The following RNF144B variants were observed in gnomAD, a reference collection of about 807,000 sequenced individuals.
The protein encoded by RNF144B is E3 ubiquitin-protein ligase RNF144B.
A neutral mutation model predicts 40.2 loss-of-function variants in RNF144B; 25 were observed. The observed-to-expected ratio is 0.62, with a 90% CI of 0.45 to 0.87. The LOEUF is 0.87. RNF144B is among the 40% of genes least tolerant of loss of function. The probability of loss-of-function intolerance (pLI) is 0.00; values close to 1 mark genes in which losing one functional copy is unlikely to be tolerated. For missense variants in RNF144B, 365 were observed against 373.7 expected, an observed-to-expected ratio of 0.98 and a Z score of 0.19; for synonymous variants, 145 against 136.3, an observed-to-expected ratio of 1.06 and a Z score of -0.44.
At chr6:18,411,543 G>C (rs370936353) in intron 2 of RNF144B, among the ~76,000 whole-genome samples, 28 of 113,792 alleles carry the variant, frequency 2.5e-4, no homozygotes, top group African/African-American at 9.5e-4. Context: ...GTGCCCTGTC[G>C]CTCAGGGTGG....
chr6:18,446,935 A>G lies in RNF144B; in HGVS notation c.331+7191A>G, dbSNP rs1462039604. Among the ~76,000 whole-genome samples the G allele has an allele frequency of 6.6e-6, 1 of 151,864 alleles. No individual in the cohort carries two copies. The highest frequency in any genetic ancestry group is 1.9e-4 in the East Asian group (1 of 5,170). ...TATGTCAGGACATCTCCATGACGGT[A>G]AATTATCCAATCCAAATGTCAATAG... is the stretch of plus-strand genomic sequence containing the variant. On this transcript the variant is annotated intron_variant, in intron 4 of 7. Transcript: ENST00000259939. The surrounding 1 kb of genome is among the most constrained non-coding windows in gnomAD (Gnocchi z 4.7).
intron 1 of RNF144B, among the ~76,000 whole-genome samples, chr6:18,388,147 G>C (rs2113446591): frequency 6.6e-6 from 1 of 152,282 alleles, no homozygotes; most frequent in Admixed American, 6.5e-5. Flanking sequence ...CCTGCTGTAA[G>C]TCTACTCCTC....
At position 18,443,237 on chromosome 6, in the gene RNF144B, A is replaced by G. The variant is rs1207390146; in HGVS notation, c.331+3493A>G. ...GAAAAACGTAACAGGCCCAGAGGCA[A>G]TTTCCTCTTAAGTGATTTTGTTTTT... On this transcript the variant is annotated intron_variant, in intron 4 of 7. Coordinates refer to ENST00000259939, the MANE Select transcript of RNF144B (RefSeq NM_182757.4). The surrounding 1 kb of genome is among the most constrained non-coding windows in gnomAD (Gnocchi z 4.7). Among the ~76,000 whole-genome samples, 2 of 152,074 alleles carry G rather than the reference A, an allele frequency of 1.3e-5. No individual in the cohort carries two copies. The highest frequency in any genetic ancestry group is 4.8e-5 in the African/African-American group (2 of 41,404).
intron 2 of RNF144B, among the ~76,000 whole-genome samples, chr6:18,424,345 A>G (rs1758501788): frequency 1.3e-5 from 2 of 152,244 alleles, no homozygotes; most frequent in Admixed American, 1.3e-4. Flanking sequence ...GCCTTTGAAT[A>G]GAAATGCATG....
In RNF144B at chr6:18,464,632, GGC is replaced by G. The variant is rs975713524; in HGVS notation, c.772-294_772-293del. On this transcript the variant is annotated intron_variant, in intron 7 of 7. Coordinates refer to ENST00000259939, the MANE Select transcript of RNF144B (RefSeq NM_182757.4). The surrounding 1 kb of genome is among the most constrained non-coding windows in gnomAD (Gnocchi z 6.1). ...AGGGCTCTCTTCCTGGTTTGAAGAT[GGC>G]CATTTTTTTGCTGTGTCTTCACATG... Among the ~76,000 whole-genome samples the G allele has an allele frequency of 6.6e-6, 1 of 152,168 alleles. No individual in the cohort carries two copies. The highest frequency in any genetic ancestry group is 2.4e-5 in the African/African-American group (1 of 41,438).
rs938737194 is a variant in RNF144B at position 18,416,799 on chromosome 6, G to A, written c.166-10782G>A. 1.3e-5 allele frequency among the ~76,000 whole-genome samples: 2 copies of A among 152,144 alleles called. No individual in the cohort carries two copies. The highest frequency in any genetic ancestry group is 6.6e-5 in the Admixed American group (1 of 15,266). ...GAAAAGAGTGATGAGGGGCATAAAA[G>A]TATCTTCCCTGATTAGAATGGAGGG... is the stretch of plus-strand genomic sequence containing the variant. On this transcript the variant is annotated intron_variant, in intron 2 of 7. Transcript: ENST00000259939. The surrounding 1 kb of genome is among the most constrained non-coding windows in gnomAD (Gnocchi z 5.5).
chr6:18,388,388 T>G (rs1794512003), intron 1 of RNF144B, among the ~76,000 whole-genome samples: 1 of 152,222 alleles, frequency 6.6e-6, no homozygotes, highest in African/African-American at 2.4e-5. Flanking sequence ...AATGGCAATG[T>G]ATCTAACATT....
intron 1 of RNF144B, among the ~76,000 whole-genome samples, chr6:18,394,630 T>C (rs1435236298): frequency 6.6e-6 from 1 of 151,758 alleles, no homozygotes; most frequent in Non-Finnish European, 1.5e-5. Flanking sequence ...AAAAAAAAGC[T>C]TTGAATGTTG....
chr6:18,401,546 A>G lies in RNF144B; in HGVS notation c.165+1847A>G, dbSNP rs1224163558. 1.3e-5 allele frequency among the ~76,000 whole-genome samples: 2 copies of G among 152,226 alleles called. 1 individual carries two copies. The highest frequency in any genetic ancestry group is 2.9e-5 in the Non-Finnish European group (2 of 68,040). ...CCAAAATAGTAAGCGGTGTATGATT[A>G]CATTAGTGTCTGTAAAATTGTAATT... On this transcript the variant is annotated intron_variant, in intron 2 of 7. Coordinates refer to ENST00000259939, the MANE Select transcript of RNF144B (RefSeq NM_182757.4).
In RNF144B at chr6:18,443,507, C is replaced by A. The variant is rs1759011222; in HGVS notation, c.331+3763C>A. On this transcript the variant is annotated intron_variant, in intron 4 of 7. Coordinates refer to ENST00000259939, the MANE Select transcript of RNF144B (RefSeq NM_182757.4). The surrounding 1 kb of genome is among the most constrained non-coding windows in gnomAD (Gnocchi z 4.7). The stretch of plus-strand genomic sequence containing the variant: ...AAGTCCTAACCTCAAGTGATCCACC[C>A]ACCTCGGCCTCCCAAAGTTCTGGGA... Among the ~76,000 whole-genome samples, 1 of 152,152 alleles carries A rather than the reference C, an allele frequency of 6.6e-6. No individual in the cohort carries two copies. The highest frequency in any genetic ancestry group is 2.4e-5 in the African/African-American group (1 of 41,428).
chr6:18,391,993 A>G (rs1009227819), intron 1 of RNF144B, among the ~76,000 whole-genome samples: 6 of 145,798 alleles, frequency 4.1e-5, no homozygotes, highest in Non-Finnish European at 6.0e-5. Flanking sequence ...AGGTCAGGAG[A>G]TCGAGACCAT....
chr6:18,411,904 A>G (rs1169423718), intron 2 of RNF144B, among the ~76,000 whole-genome samples: 2 of 152,210 alleles, frequency 1.3e-5, no homozygotes, highest in Non-Finnish European at 2.9e-5. Context: ...CAAACATAGT[A>G]CATTGTGGAC....
chr6:18,413,683 G>A (rs1795092016), intron 2 of RNF144B, among the ~76,000 whole-genome samples: 1 of 152,202 alleles, frequency 6.6e-6, no homozygotes, highest in Non-Finnish European at 1.5e-5. Flanking sequence ...TTGTGTCTGT[G>A]GAAGTTACTG....
chr6:18,406,952 A>G lies in RNF144B; in HGVS notation c.165+7253A>G, dbSNP rs1377596540. ...AAGCAGCCACGTCTTACATAGTAGCAGGCGAGAAAGAGAGCACCACACTTA... is the reference window on the plus strand; with the variant it reads ...AAGCAGCCACGTCTTACATAGTAGCGGGCGAGAAAGAGAGCACCACACTTA... On this transcript the variant is annotated intron_variant, in intron 2 of 7. Transcript: ENST00000259939. This position sits in a 1 kb window ranked among gnomAD's most constrained non-coding sequence, Gnocchi z 4.2. Among the ~76,000 whole-genome samples the G allele has an allele frequency of 6.6e-6, 1 of 152,174 alleles. No homozygotes were observed. The highest frequency in any genetic ancestry group is 1.5e-5 in the Non-Finnish European group (1 of 68,042).
rs533655455 is a variant in RNF144B at position 18,419,165 on chromosome 6, C to T, written c.166-8416C>T. ...TAAGGTAGTTGAATAGTAAGGCAGG[C>T]GAATGTTATCTCTGAAGTTCCTTAT... On this transcript the variant is annotated intron_variant, in intron 2 of 7. Transcript: ENST00000259939. The surrounding 1 kb of genome is among the most constrained non-coding windows in gnomAD (Gnocchi z 4.6). Among the ~76,000 whole-genome samples the T allele has an allele frequency of 8.5e-5, 13 of 152,220 alleles. No homozygotes were observed. Among genetic ancestry groups the T allele is most frequent in the African/African-American group, 2.9e-4 (12 of 41,562 alleles).
rs903208470 is a variant in RNF144B at position 18,405,427 on chromosome 6, G to A, written c.165+5728G>A. Among the ~76,000 whole-genome samples, 14 of 151,954 alleles carry A rather than the reference G, an allele frequency of 9.2e-5. No homozygotes were observed. Among genetic ancestry groups the A allele is most frequent in the African/African-American group, 2.4e-4 (10 of 41,462 alleles). ...CCTGACCTCGTGATCCACCTGCCTC[G>A]GCCTCCCAAAGTGCTGGGATTATAG... On this transcript the variant is annotated intron_variant, in intron 2 of 7. Transcript: ENST00000259939. This position sits in a 1 kb window ranked among gnomAD's most constrained non-coding sequence, Gnocchi z 4.5.
At chr6:18,421,612 G>A (rs986409227) in intron 2 of RNF144B, among the ~76,000 whole-genome samples, 13 of 152,098 alleles carry the variant, frequency 8.5e-5, no homozygotes, top group African/African-American at 1.2e-4. Flanking sequence ...GGGTTAGCAC[G>A]GACACTGGGT....
intron 2 of RNF144B, among the ~76,000 whole-genome samples, chr6:18,399,982 A>G (rs1054754817): frequency 3.3e-5 from 5 of 152,176 alleles, no homozygotes; most frequent in African/African-American, 1.2e-4. Context: ...GAAAAATTTT[A>G]ACATGCTGGC....
rs1794873768 is a variant in RNF144B at position 18,405,150 on chromosome 6, T to TTATTATTATTATTA, written c.165+5452_165+5453insATTATTATTATTAT. On this transcript the variant is annotated intron_variant, in intron 2 of 7. Coordinates refer to ENST00000259939, the MANE Select transcript of RNF144B (RefSeq NM_182757.4). The surrounding 1 kb of genome is among the most constrained non-coding windows in gnomAD (Gnocchi z 4.5). The stretch of plus-strand genomic sequence containing the variant: ...CTTGCTTGCAAGGTTAGTTTTTTTC[T>TTATTATTATTATTA]TTATTATTATTATTATTATTATTAT... Among the ~76,000 whole-genome samples the TTATTATTATTATTA allele has an allele frequency of 6.8e-6, 1 of 146,232 alleles. No individual in the cohort carries two copies. The highest frequency in any genetic ancestry group is 1.5e-5 in the Non-Finnish European group (1 of 66,782).
Sources: gnomAD v4.1 joint callset for allele counts (sites outside exome capture counted in the v4.1 genomes callset) on GRCh38, gnomAD v4.1.1 for gene constraint, Gnocchi (gnomAD v3.1) non-coding constraint, MANE v1.5 for transcripts, NCBI Gene and HGNC (gene_info 2026-07-23, HGNC 2026-07-21) for gene names.